Variants in SLC22A4 observed in about 807,000 individuals in gnomAD.
The protein encoded by SLC22A4 is ET transporter.
Under a neutral mutation model 56.6 loss-of-function variants are expected in SLC22A4, and 39 were observed. The observed-to-expected ratio is 0.69, with a 90% CI of 0.53 to 0.90. The LOEUF is 0.90. SLC22A4 is among the 40% of genes least tolerant of loss of function. The pLI is 0.00. For synonymous variants in SLC22A4, 241 were observed against 281.4 expected, an observed-to-expected ratio of 0.86 and a Z score of 1.44; for missense variants, 594 against 696.5, an observed-to-expected ratio of 0.85 and a Z score of 1.66.
At chr5:132,318,960 A>G (rs1349945090) in intron 3 of SLC22A4, among the ~76,000 whole-genome samples, 1 of 152,162 alleles carries the variant, frequency 6.6e-6, no homozygotes, top group Non-Finnish European at 1.5e-5. Context: ...AGGCCATAAA[A>G]GATCTGTGTA....
chr5:132,320,371 C>G (rs1183251267), intron 3 of SLC22A4, among the ~76,000 whole-genome samples: 1 of 152,174 alleles, frequency 6.6e-6, no homozygotes, highest in Non-Finnish European at 1.5e-5. Flanking sequence ...AATAAAGCAC[C>G]TTCTATTTAT....
In SLC22A4 at chr5:132,340,627, C is replaced by T. The variant is rs1050152; in HGVS notation, c.1507C>T (p.Leu503Phe). 0.37 allele frequency: 594,360 copies of T among 1,612,884 alleles called. 122,654 individuals carry two copies. The highest frequency in any genetic ancestry group is 0.43 in the Non-Finnish European group (506,847 of 1,179,056). The change falls in exon 9 of 10, where the codon CTC becomes TTC. Residue 503 changes from leucine (L) to phenylalanine (F), a missense_variant. By Grantham distance (22) the Leu-to-Phe change is conservative. Transcript: ENST00000200652. ...TAGTCTGACTGTCCTGATTGGAATC[C>T]TCACCCTTTTTTTCCCTGAAAGTTT... is the stretch of plus-strand genomic sequence containing the variant. The part of the protein sequence containing the change: ...MGSLTVLIGI[L>F]TLFFPESLGM...
intron 3 of SLC22A4, among the ~76,000 whole-genome samples, chr5:132,315,948 G>A (rs967859523): frequency 6.6e-6 from 1 of 152,192 alleles, no homozygotes; most frequent in Non-Finnish European, 1.5e-5. Context: ...GTCAGCACCT[G>A]GGGTTGGGGG....
intron 4 of SLC22A4, among the ~76,000 whole-genome samples, chr5:132,322,882 C>T (rs1561542318): frequency 6.6e-6 from 1 of 152,182 alleles, no homozygotes; most frequent in Non-Finnish European, 1.5e-5. Context: ...CTTCTCTCCT[C>T]CCACAACCTC....
intron 1 of SLC22A4, among the ~76,000 whole-genome samples, chr5:132,300,760 C>T (rs113929682): frequency 7.9e-5 from 12 of 152,180 alleles, no homozygotes; most frequent in African/African-American, 2.9e-4. Flanking sequence ...TTTACCCCTG[C>T]GGGAGGAGTG....
At chr5:132,296,796 C>A (rs1462292781) in intron 1 of SLC22A4, among the ~76,000 whole-genome samples, 1 of 152,196 alleles carries the variant, frequency 6.6e-6, no homozygotes, top group Non-Finnish European at 1.5e-5. Context: ...TCCCTGGCAG[C>A]TGGGCTGACC....
At chr5:132,318,569 T>C (rs1241966946) in intron 3 of SLC22A4, among the ~76,000 whole-genome samples, 2 of 152,146 alleles carry the variant, frequency 1.3e-5, no homozygotes, top group Non-Finnish European at 2.9e-5. Flanking sequence ...GTCCTGCCTC[T>C]GTGTGGAATG....
At chr5:132,334,103 A>G (rs1213827467) in intron 6 of SLC22A4, among the ~76,000 whole-genome samples, 5 of 152,092 alleles carry the variant, frequency 3.3e-5, no homozygotes, top group African/African-American at 1.2e-4. Flanking sequence ...GCCACCACGC[A>G]TGGCCCACAG....
chr5:132,322,206 A>G lies in SLC22A4; in HGVS notation c.675A>G (p.Ser225=), dbSNP rs775346954. 1.9e-6 allele frequency: 3 copies of G among 1,613,066 alleles called. No homozygotes were observed. Among genetic ancestry groups the G allele is most frequent in the Non-Finnish European group, 2.5e-6 (3 of 1,179,376 alleles). The change falls in exon 4 of 10, where the codon TCA becomes TCG. Residue 225 remains serine (S), a synonymous_variant. Coordinates refer to ENST00000200652, the MANE Select transcript of SLC22A4 (RefSeq NM_003059.3). ...CAGGAACAGAAATTCTTGGCAAGTC[A>G]GTTCGTATTATATTCTCTACATTAG... ...FILGTEILGK[S]VRIIFSTLGV...
chr5:132,309,347 C>A (rs2126707760), intron 1 of SLC22A4, among the ~76,000 whole-genome samples: 1 of 152,352 alleles, frequency 6.6e-6, no homozygotes, highest in South Asian at 2.1e-4. Flanking sequence ...AGCTGCCTTC[C>A]CCTGCTGGTT....
chr5:132,303,616 C>A (rs1580820604), intron 1 of SLC22A4, among the ~76,000 whole-genome samples: 2 of 152,046 alleles, frequency 1.3e-5, no homozygotes, highest in East Asian at 3.9e-4. Flanking sequence ...AAGGTAAAAT[C>A]CTCGTGAGTG....
At chr5:132,305,193 A>C (rs1015577528) in intron 1 of SLC22A4, among the ~76,000 whole-genome samples, 2 of 152,234 alleles carry the variant, frequency 1.3e-5, no homozygotes, top group African/African-American at 4.8e-5. Flanking sequence ...AGAAAGAATC[A>C]GCAAACTTGA....
chr5:132,310,631 G>A (rs546782804), intron 1 of SLC22A4, among the ~76,000 whole-genome samples: 2 of 152,270 alleles, frequency 1.3e-5, no homozygotes, highest in South Asian at 2.1e-4. Flanking sequence ...AGCTGTGTTG[G>A]GCGTTGCCTG....
At chr5:132,331,315 A>G (rs955242506) in intron 5 of SLC22A4, among the ~76,000 whole-genome samples, 1 of 152,050 alleles carries the variant, frequency 6.6e-6, no homozygotes, top group Non-Finnish European at 1.5e-5. Flanking sequence ...AGCCTGGGCC[A>G]CAGAGCTAGA....
intron 2 of SLC22A4, among the ~76,000 whole-genome samples, chr5:132,313,062 G>T (rs772032357): frequency 6.6e-6 from 1 of 152,220 alleles, no homozygotes; most frequent in Non-Finnish European, 1.5e-5. Context: ...CAGAGCAGTG[G>T]TTTGCAATTT....
intron 3 of SLC22A4, among the ~76,000 whole-genome samples, chr5:132,316,606 T>C (rs1750365981): frequency 2.0e-5 from 3 of 152,256 alleles, no homozygotes. Flanking sequence ...TTTTCAGTAC[T>C]TCTAACATCA....
Position 132,340,715 on chromosome 5 carries a change from TA to T in SLC22A4, c.1580+17del. The T allele has an allele frequency of 6.2e-7, 1 of 1,612,444 alleles. No homozygotes were observed. Among genetic ancestry groups the T allele is most frequent in the Non-Finnish European group, 8.5e-7 (1 of 1,178,478 alleles). On this transcript the variant is annotated intron_variant, in intron 9 of 9. Coordinates refer to ENST00000200652, the MANE Select transcript of SLC22A4 (RefSeq NM_003059.3). ...AAAGTGAAATGGTAAGTAGGACTTT[TA>T]ACAAAATGATACCAAAATGCCTTAG...
At chr5:132,334,626 T>A in intron 6 of SLC22A4, 92 bp from the exon 7 acceptor site, 1 of 887,724 alleles carries the variant, frequency 1.1e-6, no homozygotes, top group South Asian at 1.3e-5. Context: ...TGGCTACTTA[T>A]AAGACAGCAA....
At chr5:132,331,727 C>T (rs886361513) in intron 5 of SLC22A4, 29 bp from the exon 6 acceptor site, 22 of 1,482,698 alleles carry the variant, frequency 1.5e-5, no homozygotes, top group Non-Finnish European at 2.1e-5. Flanking sequence ...CTCTTAATCT[C>T]ATGGTTATTT....
Sources: gnomAD v4.1 joint callset for allele counts (sites outside exome capture counted in the v4.1 genomes callset) on GRCh38, gnomAD v4.1.1 for gene constraint, MANE v1.5 for transcripts, NCBI Gene and HGNC (gene_info 2026-07-23, HGNC 2026-07-21) for gene names.